Variants in KHDRBS2 observed in about 807,000 individuals in gnomAD.
The protein encoded by KHDRBS2 is KH domain-containing, RNA-binding, signal transduction-associated protein 2.
KHDRBS2 carries 26 observed loss-of-function variants against 44.3 expected under a neutral mutation model. The ratio of observed to expected loss-of-function variants is 0.59; its 90% CI spans 0.43 to 0.81. The LOEUF (loss-of-function observed/expected upper bound fraction) is 0.81. KHDRBS2 is among the 40% of genes least tolerant of loss of function. The probability of loss-of-function intolerance (pLI) is 0.00; values close to 1 mark genes in which losing one functional copy is unlikely to be tolerated. For synonymous variants in KHDRBS2, 194 were observed against 151.1 expected (o/e 1.28, Z -2.08); for missense variants, 476 against 433.1 (o/e 1.10, Z -0.88).
chr6:61,960,973 A>G (rs1768560691), intron 4 of KHDRBS2, among the ~76,000 whole-genome samples: 1 of 152,100 alleles, frequency 6.6e-6, no homozygotes, highest in African/African-American at 2.4e-5. Flanking sequence ...CAGAATTTAT[A>G]ATACAATTGA....
chr6:62,027,362 A>C (rs72884480), intron 3 of KHDRBS2, among the ~76,000 whole-genome samples: 1 of 152,048 alleles, frequency 6.6e-6, no homozygotes, highest in Admixed American at 6.6e-5. Flanking sequence ...TAAGAAATAT[A>C]TATTTGATCT....
intron 6 of KHDRBS2, among the ~76,000 whole-genome samples, chr6:61,852,897 T>A (rs759576464): frequency 6.6e-6 from 1 of 152,182 alleles, no homozygotes; most frequent in Non-Finnish European, 1.5e-5. Flanking sequence ...ACCACCTACA[T>A]ATATAACAAT....
chr6:62,076,628 A>G (rs1366780868), intron 2 of KHDRBS2, among the ~76,000 whole-genome samples: 1 of 152,066 alleles, frequency 6.6e-6, no homozygotes. Context: ...TCTTGATGTC[A>G]TTTAGCAAAT....
At chr6:61,970,441 A>G (rs993680058) in intron 4 of KHDRBS2, among the ~76,000 whole-genome samples, 10 of 152,110 alleles carry the variant, frequency 6.6e-5, no homozygotes, top group African/African-American at 2.2e-4. Flanking sequence ...AATTCTAAGT[A>G]TAAGGTGAAC....
At chr6:62,203,969 C>T (rs1827506201) in intron 1 of KHDRBS2, among the ~76,000 whole-genome samples, 1 of 152,026 alleles carries the variant, frequency 6.6e-6, no homozygotes, top group Admixed American at 6.6e-5. Flanking sequence ...CACATGAGAG[C>T]TGGTTGTTAA....
At chr6:61,693,860 C>T (rs1279485759) in intron 8 of KHDRBS2, among the ~76,000 whole-genome samples, 1 of 152,154 alleles carries the variant, frequency 6.6e-6, no homozygotes, top group Non-Finnish European at 1.5e-5. Context: ...CCCTGGCCCT[C>T]CAGACCATAA....
chr6:62,051,522 T>C (rs765666757), intron 2 of KHDRBS2, among the ~76,000 whole-genome samples: 1 of 151,982 alleles, frequency 6.6e-6, no homozygotes, highest in Non-Finnish European at 1.5e-5. Context: ...GCTGTATATG[T>C]TTAGATTTAT....
At chr6:61,781,413 T>C (rs1198149063) in intron 6 of KHDRBS2, among the ~76,000 whole-genome samples, 7 of 152,134 alleles carry the variant, frequency 4.6e-5, no homozygotes, top group Non-Finnish European at 7.4e-5. Context: ...TTCTAGAAAT[T>C]TGTTTTTGAA....
At chr6:62,224,662 G>T (rs1221945876) in intron 1 of KHDRBS2, among the ~76,000 whole-genome samples, 2 of 152,098 alleles carry the variant, frequency 1.3e-5, no homozygotes, top group African/African-American at 2.4e-5. Context: ...ATTTAAAAAG[G>T]TATCAGTCCA....
Position 61,853,866 on chromosome 6 carries a change from C to T in KHDRBS2, c.810+40769G>A, listed in dbSNP as rs1380317517. Among the ~76,000 whole-genome samples the T allele has an allele frequency of 2.0e-5, 3 of 152,182 alleles. No homozygotes were observed. In the East Asian group the frequency reaches 5.8e-4, roughly 29 times the overall value. On this transcript the variant is annotated intron_variant, in intron 6 of 8. Transcript: ENST00000281156. ...GTCTGTGAAAGTAGCATCTGTTTTT[C>T]ATGCAGCTGGCTGAAGGAAAAGAGA...
intron 1 of KHDRBS2, among the ~76,000 whole-genome samples, chr6:62,234,505 A>G (rs531930301): frequency 6.6e-6 from 1 of 152,290 alleles, no homozygotes; most frequent in East Asian, 1.9e-4. Context: ...ATTCTTCATC[A>G]TACCTCAACT....
chr6:61,681,912 T>A (rs1766349324), intron 8 of KHDRBS2, among the ~76,000 whole-genome samples: 1 of 151,954 alleles, frequency 6.6e-6, no homozygotes, highest in African/African-American at 2.4e-5. Context: ...ACATTTTATG[T>A]GATTCCAGCA....
chr6:61,659,361 G>A, the KHDRBS2 span, among the ~76,000 whole-genome samples: 1 of 151,690 alleles, frequency 6.6e-6, no homozygotes, highest in Admixed American at 6.6e-5. Flanking sequence ...AAGAATGTCA[G>A]AGCTGGAGAG....
intron 6 of KHDRBS2, among the ~76,000 whole-genome samples, chr6:61,845,992 T>C (rs1161816374): frequency 6.6e-6 from 1 of 152,162 alleles, no homozygotes; most frequent in South Asian, 2.1e-4. Context: ...TGAGTTTTCA[T>C]GAGATCTGGT....
At chr6:61,754,409 C>T (rs1419528739) in intron 6 of KHDRBS2, among the ~76,000 whole-genome samples, 1 of 151,984 alleles carries the variant, frequency 6.6e-6, no homozygotes, top group Non-Finnish European at 1.5e-5. Flanking sequence ...GCAAGTGAGC[C>T]TACTATTACA....
intron 2 of KHDRBS2, among the ~76,000 whole-genome samples, chr6:62,063,591 A>G (rs1792662373): frequency 6.6e-6 from 1 of 151,732 alleles, no homozygotes; most frequent in Non-Finnish European, 1.5e-5. Context: ...CCTTCATGAT[A>G]AAAACTCTCA....
At position 62,009,930 on chromosome 6, in the gene KHDRBS2, G is replaced by A. The variant is rs148173707; in HGVS notation, c.337-31718C>T. 4.3e-3 allele frequency among the ~76,000 whole-genome samples: 656 copies of A among 152,298 alleles called. 1 individual carries two copies. The highest frequency in any genetic ancestry group is 5.7e-3 in the African/African-American group (238 of 41,574). ...TGCTAGGGCACTGCAGAAGGGAAGC[G>A]TGGGGTTGGAGCCCCCATACAGAGT... On this transcript the variant is annotated intron_variant, in intron 3 of 8. Coordinates refer to ENST00000281156, the MANE Select transcript of KHDRBS2 (RefSeq NM_152688.4).
chr6:61,848,491 G>GTA (rs1180750340), intron 6 of KHDRBS2, among the ~76,000 whole-genome samples: 363 of 30,428 alleles, frequency 0.012, 23 homozygotes, highest in East Asian at 0.029. Flanking sequence ...ATATATATAT[G>GTA]TATATATATA....
rs111706511 is a variant in KHDRBS2, at chr6:62,014,437, T to G, written c.336+33441A>C. Among the ~76,000 whole-genome samples, 89 of 152,312 alleles carry G rather than the reference T, an allele frequency of 5.8e-4. 1 individual carries two copies. Among genetic ancestry groups the G allele is most frequent in the African/African-American group, 1.9e-3 (81 of 41,580 alleles). ...GGACTCCCACAATTTGTCAAAATGCTGGTTCAAAATTGTTTATGAATAAGT... is the reference window on the plus strand; with the variant it reads ...GGACTCCCACAATTTGTCAAAATGCGGGTTCAAAATTGTTTATGAATAAGT... On this transcript the variant is annotated intron_variant, in intron 3 of 8. Coordinates refer to ENST00000281156, the MANE Select transcript of KHDRBS2 (RefSeq NM_152688.4).
Sources: gnomAD v4.1 joint callset for allele counts (sites outside exome capture counted in the v4.1 genomes callset) on GRCh38, gnomAD v4.1.1 for gene constraint, MANE v1.5 for transcripts, NCBI Gene and HGNC (gene_info 2026-07-23, HGNC 2026-07-21) for gene names.